TP63: variants seen among roughly 807,000 people sequenced by gnomAD.
TP63 encodes the protein tumor protein 63.
Under a neutral mutation model 82.8 loss-of-function variants are expected in TP63, and 17 were observed. That is an observed-to-expected ratio of 0.21 (90% confidence interval 0.14 to 0.31). TP63 has a LOEUF of 0.31. Ranked by LOEUF, TP63 falls within the 10% of genes least tolerant of loss-of-function variation. The pLI, the probability that TP63 is intolerant of heterozygous loss-of-function variation, is 1.00. For missense variants in TP63, 648 were observed against 895.3 expected (o/e 0.72, Z 3.52); for synonymous variants, 330 against 321.7 (o/e 1.03, Z -0.28).
intron 1 of TP63, among the ~76,000 whole-genome samples, chr3:189,667,924 A>G (rs1714544383): frequency 1.3e-5 from 2 of 152,118 alleles, no homozygotes; most frequent in Non-Finnish European, 2.9e-5. Flanking sequence ...GTTCCACTAC[A>G]GCTTTAATCA....
the TP63 span, among the ~76,000 whole-genome samples, chr3:189,625,843 C>T: frequency 1.2e-4 from 19 of 152,296 alleles, no homozygotes; most frequent in Non-Finnish European, 2.1e-4. Context: ...AGAAGCCCAC[C>T]CACATTGCTT....
intron 3 of TP63, among the ~76,000 whole-genome samples, chr3:189,775,162 G>C (rs143610841): frequency 3.3e-5 from 5 of 149,306 alleles, no homozygotes; most frequent in Admixed American, 2.0e-4. Context: ...GGAGGTTGTG[G>C]TGAGCCAAGA....
At chr3:189,756,355 G>A (rs1722189101) in intron 3 of TP63, among the ~76,000 whole-genome samples, 1 of 152,114 alleles carries the variant, frequency 6.6e-6, no homozygotes, top group African/African-American at 2.4e-5. Flanking sequence ...ACTCCGTTTA[G>A]ACTGAATTCC....
intron 3 of TP63, among the ~76,000 whole-genome samples, chr3:189,792,083 T>C: frequency 6.6e-6 from 1 of 152,108 alleles, no homozygotes; most frequent in Non-Finnish European, 1.5e-5. Flanking sequence ...TTTCTTTGAG[T>C]TGATAACTCA....
intron 1 of TP63, among the ~76,000 whole-genome samples, chr3:189,730,427 G>GA (rs1720077606): frequency 6.6e-6 from 1 of 152,060 alleles, no homozygotes; most frequent in African/African-American, 2.4e-5. Flanking sequence ...TTATTTCATA[G>GA]AAAAAAGAAA....
chr3:189,652,276 A>T (rs1424643318), intron 1 of TP63, among the ~76,000 whole-genome samples: 1 of 146,880 alleles, frequency 6.8e-6, no homozygotes, highest in Non-Finnish European at 1.5e-5. Context: ...ATGGGAGCCC[A>T]CCTCTTGTAT....
At chr3:189,878,959 A>C (rs1719593937) in intron 10 of TP63, among the ~76,000 whole-genome samples, 1 of 150,786 alleles carries the variant, frequency 6.6e-6, no homozygotes, top group Non-Finnish European at 1.5e-5. Context: ...ATAGTTATGA[A>C]GTTTTCAGGG....
chr3:189,750,699 A>C (rs748263145), intron 3 of TP63, among the ~76,000 whole-genome samples: 4 of 152,198 alleles, frequency 2.6e-5, no homozygotes, highest in Non-Finnish European at 4.4e-5. Flanking sequence ...AGTTAACCCC[A>C]CCATTGAGAG....
chr3:189,679,105 A>G (rs1715694185), intron 1 of TP63, among the ~76,000 whole-genome samples: 1 of 152,052 alleles, frequency 6.6e-6, no homozygotes, highest in African/African-American at 2.4e-5. Flanking sequence ...ATGGGGGTGC[A>G]GATAGCTCTT....
At chr3:189,812,532 T>C (rs1051869302) in intron 4 of TP63, among the ~76,000 whole-genome samples, 1 of 152,192 alleles carries the variant, frequency 6.6e-6, no homozygotes, top group Non-Finnish European at 1.5e-5. Context: ...AGAATGGTAG[T>C]GTGGAGATGG....
intron 3 of TP63, among the ~76,000 whole-genome samples, chr3:189,807,661 AC>A (rs1202267595): frequency 1.3e-5 from 2 of 152,356 alleles, no homozygotes; most frequent in African/African-American, 4.8e-5. Flanking sequence ...TTTTTAAAAT[AC>A]ATAGTTGGGT....
At chr3:189,682,463 A>G (rs1716000187) in intron 1 of TP63, among the ~76,000 whole-genome samples, 1 of 149,048 alleles carries the variant, frequency 6.7e-6, no homozygotes, top group Non-Finnish European at 1.5e-5. Context: ...AAATAGGACG[A>G]TATTTTGCAA....
At chr3:189,727,386 C>T (rs1199427379) in intron 1 of TP63, among the ~76,000 whole-genome samples, 2 of 152,132 alleles carry the variant, frequency 1.3e-5, no homozygotes, top group East Asian at 3.9e-4. Context: ...AACCTTTCCT[C>T]AATTTTTAAA....
intron 13 of TP63, 53 bp from the exon 14 acceptor site, chr3:189,894,153 G>T: frequency 6.2e-7 from 1 of 1,608,722 alleles, no homozygotes; most frequent in Admixed American, 1.7e-5. Flanking sequence ...TGGACTAAAT[G>T]TCCGTTTTTC....
At chr3:189,881,073 A>T (rs748517968) in intron 10 of TP63, 87 of 985,244 alleles carry the variant, frequency 8.8e-5, no homozygotes, top group Admixed American at 1.2e-4. Flanking sequence ...AAGCCCTCTC[A>T]CAAAATCTGT....
chr3:189,865,039 G>A (rs1236563561), intron 5 of TP63, among the ~76,000 whole-genome samples: 2 of 151,932 alleles, frequency 1.3e-5, no homozygotes, highest in East Asian at 3.9e-4. Context: ...AAAAATAAGA[G>A]GGTGCCAGGA....
intron 1 of TP63, among the ~76,000 whole-genome samples, chr3:189,714,433 A>C (rs369345561): frequency 2.0e-5 from 3 of 152,330 alleles, no homozygotes; most frequent in East Asian, 3.9e-4. Flanking sequence ...AAATATCAAT[A>C]TCCAAGGACA....
At chr3:189,734,215 A>T (rs749959920) in intron 1 of TP63, among the ~76,000 whole-genome samples, 46 of 114,518 alleles carry the variant, frequency 4.0e-4, no homozygotes, top group Non-Finnish European at 1.6e-4. Flanking sequence ...CTTGTCGCCC[A>T]GGCTGGCATG....
At chr3:189,730,885 A>G (rs974511605) in intron 1 of TP63, among the ~76,000 whole-genome samples, 1 of 152,170 alleles carries the variant, frequency 6.6e-6, no homozygotes, top group Non-Finnish European at 1.5e-5. Context: ...ATGAGTTTAT[A>G]TTGATGTTTC....
Sources: gnomAD v4.1 joint callset for allele counts (sites outside exome capture counted in the v4.1 genomes callset) on GRCh38, gnomAD v4.1.1 for gene constraint, MANE v1.5 for transcripts, NCBI Gene and HGNC (gene_info 2026-07-23, HGNC 2026-07-21) for gene names.